Variants in NRXN3 observed in about 807,000 individuals in gnomAD.
The protein encoded by NRXN3 is neurexin 3.
NRXN3 carries 32 observed loss-of-function variants against 137.6 expected under a neutral mutation model. The ratio of observed to expected loss-of-function variants is 0.23; its 90% CI spans 0.18 to 0.31. The LOEUF (loss-of-function observed/expected upper bound fraction) is 0.31, where lower values mean the gene tolerates loss of function less well. Among genes scored for constraint, NRXN3 ranks in the 10% least tolerant of loss-of-function variants. The pLI, the probability that NRXN3 is intolerant of heterozygous loss-of-function variation, is 1.00. For synonymous variants in NRXN3, 798 were observed against 784.5 expected, an observed-to-expected ratio of 1.02 and a Z score of -0.29; for missense variants, 1,574 against 2,062.5, an observed-to-expected ratio of 0.76 and a Z score of 4.59.
At chr14:79,810,673 A>T (rs1469017143) in intron 20 of NRXN3, among the ~76,000 whole-genome samples, 2 of 152,188 alleles carry the variant, frequency 1.3e-5, no homozygotes, top group African/African-American at 4.8e-5. Context: ...GATCACATCT[A>T]GTATTTTCCA....
intron 15 of NRXN3, among the ~76,000 whole-genome samples, chr14:79,017,848 C>T (rs72685484): frequency 0.017 from 2,630 of 152,060 alleles, 42 homozygotes; most frequent in Non-Finnish European, 0.029. Flanking sequence ...ACACCACACA[C>T]GGCAAATCTG....
intron 16 of NRXN3, among the ~76,000 whole-genome samples, chr14:79,598,252 G>A (rs901971978): frequency 6.6e-5 from 10 of 152,152 alleles, no homozygotes; most frequent in African/African-American, 2.4e-4. Flanking sequence ...AATCCAGTCT[G>A]GGGGCCGAGA....
At chr14:79,841,588 CAG>C (rs2099355950) in intron 20 of NRXN3, among the ~76,000 whole-genome samples, 1 of 152,228 alleles carries the variant, frequency 6.6e-6, no homozygotes, top group Admixed American at 6.5e-5. Flanking sequence ...CCACAGCAGG[CAG>C]AGATAACCAA....
intron 4 of NRXN3, among the ~76,000 whole-genome samples, chr14:78,445,238 G>C (rs772624277): frequency 6.6e-6 from 1 of 152,158 alleles, no homozygotes. Context: ...AGCATAGCAC[G>C]TCTTCCTGTT....
chr14:79,332,444 A>T (rs1475090083), intron 15 of NRXN3, among the ~76,000 whole-genome samples: 1 of 152,122 alleles, frequency 6.6e-6, no homozygotes, highest in East Asian at 1.9e-4. Flanking sequence ...GAGCTTACGC[A>T]CCTTTCTGTG....
intron 15 of NRXN3, among the ~76,000 whole-genome samples, chr14:79,398,394 A>T (rs139324454): frequency 6.6e-6 from 1 of 152,204 alleles, no homozygotes; most frequent in Non-Finnish European, 1.5e-5. Flanking sequence ...AAATTGTTTC[A>T]AAAATGAAAC....
chr14:79,363,848 G>A (rs1308158543), intron 15 of NRXN3, among the ~76,000 whole-genome samples: 1 of 152,176 alleles, frequency 6.6e-6, no homozygotes, highest in African/African-American at 2.4e-5. Flanking sequence ...TGCCGATATT[G>A]TGATAAGAAA....
Position 79,251,058 on chromosome 14 carries a change from C to A in NRXN3, c.3263-216163C>A, listed in dbSNP as rs116199395. Among the ~76,000 whole-genome samples the A allele has an allele frequency of 3.1e-3, 479 of 152,210 alleles. 2 individuals are homozygous for A. Among genetic ancestry groups the A allele is most frequent in the African/African-American group, 0.011 (450 of 41,520 alleles). Reference sequence around the variant, plus strand: ...GGATGGGTTAGAGTGAAGGCTACAGCTGACATGATAGGACAGGGCTAGTTT... The same window carrying A: ...GGATGGGTTAGAGTGAAGGCTACAGATGACATGATAGGACAGGGCTAGTTT... On this transcript the variant is annotated intron_variant, in intron 15 of 20. Transcript: ENST00000335750.
chr14:78,639,296 C>T (rs2097594663), intron 4 of NRXN3, among the ~76,000 whole-genome samples: 1 of 152,190 alleles, frequency 6.6e-6, no homozygotes, highest in Admixed American at 6.5e-5. Context: ...ATTTGAAGGA[C>T]AAAGGCTGCA....
At chr14:79,489,414 C>A (rs1451187470) in intron 16 of NRXN3, among the ~76,000 whole-genome samples, 1 of 152,060 alleles carries the variant, frequency 6.6e-6, no homozygotes, top group East Asian at 1.9e-4. Flanking sequence ...GTCGGGTGGG[C>A]CTCAAGGCAC....
chr14:79,336,599 G>T (rs1356485921), intron 15 of NRXN3, among the ~76,000 whole-genome samples: 1 of 152,172 alleles, frequency 6.6e-6, no homozygotes, highest in African/African-American at 2.4e-5. Context: ...GTTAATTTGG[G>T]CTGGCTGTCC....
intron 15 of NRXN3, among the ~76,000 whole-genome samples, chr14:79,193,453 A>T (rs923433844): frequency 4.6e-5 from 7 of 152,270 alleles, no homozygotes; most frequent in African/African-American, 1.4e-4. Flanking sequence ...TGATTTATTT[A>T]AATTTAGATT....
intron 10 of NRXN3, among the ~76,000 whole-genome samples, chr14:78,853,498 C>T (rs31357): frequency 0.14 from 21,001 of 152,000 alleles, 2,537 homozygotes; most frequent in African/African-American, 0.32. Context: ...GCCTAGTACC[C>T]ATTAGTTATA....
intron 4 of NRXN3, among the ~76,000 whole-genome samples, chr14:78,482,678 G>T (rs2095492842): frequency 6.6e-6 from 1 of 152,168 alleles, no homozygotes; most frequent in South Asian, 2.1e-4. Flanking sequence ...TGTTACTTCT[G>T]TTTTGACAGA....
At position 78,624,574 on chromosome 14, in the gene NRXN3, G is replaced by A. The variant is rs116805579; in HGVS notation, c.758-20546G>A. On this transcript the variant is annotated intron_variant, in intron 4 of 20. Transcript: ENST00000335750. ...TGCTCCCCTCTGCCATCTTTTGTTG[G>A]GAAGAGGCTCACACAGCCTTTCCAG... is the stretch of plus-strand genomic sequence containing the variant. Among the ~76,000 whole-genome samples the A allele has an allele frequency of 3.9e-3, 592 of 152,320 alleles. 5 individuals carry two copies. Among genetic ancestry groups the A allele is most frequent in the African/African-American group, 0.013 (541 of 41,574 alleles).
At position 78,461,042 on chromosome 14, in the gene NRXN3, A is replaced by G. The variant is rs191617771; in HGVS notation, c.757+163182A>G. On this transcript the variant is annotated intron_variant, in intron 4 of 20. Transcript: ENST00000335750. The stretch of plus-strand genomic sequence containing the variant: ...CATATATTCAAAGAAACGTTTTTAT[A>G]TGTCCATAAACTGACACATAGATTG... Among the ~76,000 whole-genome samples, 14 of 152,354 alleles carry G rather than the reference A, an allele frequency of 9.2e-5. No individual in the cohort carries two copies. In the East Asian group the frequency reaches 2.5e-3, roughly 27 times the overall value.
intron 2 of NRXN3, among the ~76,000 whole-genome samples, chr14:78,246,557 G>A (rs533542851): frequency 1.3e-5 from 2 of 152,308 alleles, no homozygotes; most frequent in Non-Finnish European, 2.9e-5. Context: ...TGAGGTGAGA[G>A]AGGATGTTGC....
chr14:78,176,675 T>A (rs957705979), intron 1 of NRXN3, among the ~76,000 whole-genome samples: 1 of 152,180 alleles, frequency 6.6e-6, no homozygotes, highest in Non-Finnish European at 1.5e-5. Flanking sequence ...ATGCACCACG[T>A]TTGATGCAGA....
At chr14:78,999,110 A>G (rs2099536297) in intron 15 of NRXN3, among the ~76,000 whole-genome samples, 1 of 152,314 alleles carries the variant, frequency 6.6e-6, no homozygotes, top group East Asian at 1.9e-4. Flanking sequence ...TGGAGACTTC[A>G]GAAAAGTGGA....
Sources: allele counts gnomAD v4.1 joint callset (sites outside exome capture counted in the v4.1 genomes callset), GRCh38; gene constraint gnomAD v4.1.1; transcripts MANE v1.5; gene names NCBI Gene and HGNC (gene_info 2026-07-23, HGNC 2026-07-21).